Variants in TRAPPC9 observed in about 807,000 individuals in gnomAD.
TRAPPC9 encodes the protein trafficking protein particle complex subunit 9.
A neutral mutation model predicts 124.0 loss-of-function variants in TRAPPC9; 83 were observed. The ratio of observed to expected loss-of-function variants is 0.67; its 90% CI spans 0.56 to 0.80. The LOEUF (loss-of-function observed/expected upper bound fraction) is 0.80. TRAPPC9 is among the 30% of genes least tolerant of loss of function. TRAPPC9 has a pLI of 0.00. For missense variants in TRAPPC9, 1,302 were observed against 1,508.3 expected, an observed-to-expected ratio of 0.86 and a Z score of 2.27; for synonymous variants, 638 against 617.5, an observed-to-expected ratio of 1.03 and a Z score of -0.49.
intron 21 of TRAPPC9, among the ~76,000 whole-genome samples, chr8:139,858,282 C>A (rs1827921825): frequency 6.6e-6 from 1 of 152,214 alleles, no homozygotes; most frequent in Non-Finnish European, 1.5e-5. Context: ...TGTGTGACAG[C>A]ACAGCATGGG....
intron 21 of TRAPPC9, among the ~76,000 whole-genome samples, chr8:139,864,531 G>A (rs989353743): frequency 2.0e-5 from 3 of 152,200 alleles, no homozygotes; most frequent in Admixed American, 1.3e-4. Context: ...TCCTGTGGAT[G>A]GCACCAGGCA....
At chr8:140,330,865 C>A (rs955498698) in intron 9 of TRAPPC9, among the ~76,000 whole-genome samples, 1 of 151,972 alleles carries the variant, frequency 6.6e-6, no homozygotes. Flanking sequence ...CGCTGCCCAC[C>A]CAGACTGCCC....
intron 21 of TRAPPC9, among the ~76,000 whole-genome samples, chr8:139,789,594 C>T (rs1822512949): frequency 6.6e-6 from 1 of 152,186 alleles, no homozygotes; most frequent in African/African-American, 2.4e-5. Context: ...TGTAACCTGG[C>T]ACCCAACCTG....
intron 18 of TRAPPC9, among the ~76,000 whole-genome samples, chr8:139,995,680 C>T (rs1005712279): frequency 2.0e-5 from 3 of 151,986 alleles, no homozygotes; most frequent in Non-Finnish European, 4.4e-5. Context: ...CAAGCATGAA[C>T]TCCTAAGCTC....
At chr8:139,837,743 A>C (rs751055716) in intron 21 of TRAPPC9, among the ~76,000 whole-genome samples, 17 of 151,816 alleles carry the variant, frequency 1.1e-4, no homozygotes, top group Non-Finnish European at 1.9e-4. Context: ...TCGTCCTTCC[A>C]GGCACCCAAC....
intron 17 of TRAPPC9, among the ~76,000 whole-genome samples, chr8:140,060,112 A>G (rs774023715): frequency 8.5e-5 from 13 of 152,118 alleles, no homozygotes; most frequent in Non-Finnish European, 1.6e-4. Flanking sequence ...TTTGATTGGC[A>G]GTTGCGTTAC....
intron 21 of TRAPPC9, among the ~76,000 whole-genome samples, chr8:139,763,190 G>A (rs1820356240): frequency 6.6e-6 from 1 of 152,206 alleles, no homozygotes; most frequent in African/African-American, 2.4e-5. Context: ...TGGAAGCCAG[G>A]CTTTATAGAG....
chr8:140,445,688 T>C (rs1343769997), intron 2 of TRAPPC9, among the ~76,000 whole-genome samples: 2 of 152,210 alleles, frequency 1.3e-5, no homozygotes, highest in Non-Finnish European at 1.5e-5. Context: ...TACATTCATG[T>C]CTCTTCTGTT....
At chr8:140,185,445 T>C (rs2062330331) in intron 17 of TRAPPC9, among the ~76,000 whole-genome samples, 1 of 152,216 alleles carries the variant, frequency 6.6e-6, no homozygotes, top group Non-Finnish European at 1.5e-5. Flanking sequence ...CTCCCTTAAC[T>C]GCCACGCCCA....
intron 18 of TRAPPC9, 134 bp downstream of exon 18, chr8:140,023,803 G>A: frequency 7.4e-7 from 1 of 1,359,630 alleles, no homozygotes; most frequent in African/African-American, 1.4e-5. Flanking sequence ...CTACATCCCA[G>A]AGAGGCTCAG....
chr8:140,211,325 G>A (rs2063056745), intron 17 of TRAPPC9, among the ~76,000 whole-genome samples: 2 of 152,196 alleles, frequency 1.3e-5, no homozygotes, highest in South Asian at 2.1e-4. Flanking sequence ...TTGGTAGACC[G>A]AGGCAGGTGA....
chr8:140,292,102 A>G (rs912748689), intron 11 of TRAPPC9, among the ~76,000 whole-genome samples: 12 of 152,250 alleles, frequency 7.9e-5, no homozygotes, highest in African/African-American at 2.4e-4. Flanking sequence ...ACAAAGCAAC[A>G]GAAAGCTAAT....
At position 139,731,227 on chromosome 8, in the gene TRAPPC9, A is replaced by G. The variant is rs1817798527; in HGVS notation, c.3281T>C (p.Val1094Ala). ...VGSSTFYLDA[V>A]QPSGQSACLG... ...GCAGGCCGACTGGCCGGACGGCTGC[A>G]CCTGAGCAGGGAGGAGAAAGACACA... The change falls in exon 23 of 23, where the codon GTG becomes GCG. Residue 1094 changes from valine to alanine, a missense_variant and splice_region_variant. Val to Ala is a moderately conservative substitution (Grantham distance 64). Around this residue, in one of 3 missense-constraint regions of TRAPPC9, gnomAD observed 640 missense variants for 679.3 expected, o/e 0.94. Transcript: ENST00000438773. The G allele has an allele frequency of 1.9e-6, 3 of 1,613,166 alleles. No homozygotes were observed. The East Asian group carries it at 6.7e-5, about 36-fold the overall frequency.
rs1841000346 is a variant in TRAPPC9, at chr8:140,037,813, A to ACCC, written c.2557-13735_2557-13734insGGG. 4.1e-5 allele frequency among the ~76,000 whole-genome samples: 6 copies of ACCC among 145,660 alleles called. No individual in the cohort carries two copies. The South Asian group carries it at 1.3e-3, about 33-fold the overall frequency. ...CCACACGCACACCCAACACACACAC[A>ACCC]GATACACACATACCCAACACACACC... is the stretch of plus-strand genomic sequence containing the variant. On this transcript the variant is annotated intron_variant, in intron 17 of 22. Coordinates refer to ENST00000438773, the MANE Select transcript of TRAPPC9 (RefSeq NM_001160372.4).
intron 9 of TRAPPC9, among the ~76,000 whole-genome samples, chr8:140,341,604 TAA>T (rs760633200): frequency 3.3e-5 from 5 of 151,104 alleles, no homozygotes; most frequent in African/African-American, 4.9e-5. Context: ...TTCCCCAGAA[TAA>T]AGTCTCCCCT....
At chr8:139,986,480 T>A (rs1837244839) in intron 19 of TRAPPC9, among the ~76,000 whole-genome samples, 3 of 152,156 alleles carry the variant, frequency 2.0e-5, no homozygotes, top group Admixed American at 1.3e-4. Context: ...AAATTTCAAA[T>A]ATAAGGTGAA....
At chr8:140,231,718 A>C (rs1414762893) in intron 16 of TRAPPC9, among the ~76,000 whole-genome samples, 1 of 145,952 alleles carries the variant, frequency 6.9e-6, no homozygotes, top group Non-Finnish European at 1.5e-5. Flanking sequence ...TCCACCACAC[A>C]CACAAATGTT....
chr8:139,879,517 C>T (rs1190682030), intron 21 of TRAPPC9, among the ~76,000 whole-genome samples: 1 of 152,210 alleles, frequency 6.6e-6, no homozygotes, highest in African/African-American at 2.4e-5. Context: ...ACCCATCCCT[C>T]TAACCTAACT....
chr8:140,292,735 A>C (rs931467612), intron 11 of TRAPPC9, among the ~76,000 whole-genome samples: 5 of 150,860 alleles, frequency 3.3e-5, no homozygotes, highest in South Asian at 2.1e-4. Context: ...TAAAGACTTA[A>C]ACGTTAGACC....
Sources: allele counts gnomAD v4.1 joint callset (sites outside exome capture counted in the v4.1 genomes callset), GRCh38; gene constraint gnomAD v4.1.1; regional missense constraint gnomAD v4.1.1; transcripts MANE v1.5; gene names NCBI Gene and HGNC (gene_info 2026-07-23, HGNC 2026-07-21).